Variants in GLI4 observed in about 807,000 individuals in gnomAD.
The protein encoded by GLI4 is GLI family zinc finger 4, also known as zinc finger protein GLI4.
In GLI4, 34 loss-of-function variants were observed where a neutral mutation model predicts 30.9. That is an observed-to-expected ratio of 1.10 (90% CI 0.84 to 1.47). The LOEUF (loss-of-function observed/expected upper bound fraction) is 1.47, where lower values mean the gene tolerates loss of function less well. Among genes scored for constraint, GLI4 ranks in the 40% most tolerant of loss-of-function variants. GLI4 has a pLI of 0.00. For missense variants in GLI4, 696 were observed against 538.9 expected, an observed-to-expected ratio of 1.29 and a Z score of -2.89; for synonymous variants, 277 against 236.7, an observed-to-expected ratio of 1.17 and a Z score of -1.56.
chr8:143,275,625 C>G, intron 3 of GLI4: 1 of 1,235,060 alleles, frequency 8.1e-7, no homozygotes, highest in Non-Finnish European at 1.0e-6. Context: ...CACTGTGGCT[C>G]CGTGCACCGG....
At chr8:143,275,149 G>A (rs1179835312) in intron 3 of GLI4, 1 of 1,535,724 alleles carries the variant, frequency 6.5e-7, no homozygotes. Flanking sequence ...TGTCCCCCCA[G>A]ATCCACGAGT....
At chr8:143,273,536 T>G (rs1586728248) in intron 2 of GLI4, among the ~76,000 whole-genome samples, 1 of 150,738 alleles carries the variant, frequency 6.6e-6, no homozygotes, top group African/African-American at 2.4e-5. Context: ...ACTGGGGAGG[T>G]CCCCCCTCCA....
intron 2 of GLI4, among the ~76,000 whole-genome samples, chr8:143,271,191 G>A (rs1035681597): frequency 3.9e-5 from 6 of 152,202 alleles, no homozygotes; most frequent in Admixed American, 2.6e-4. Flanking sequence ...CAACATCCAG[G>A]GAGGACAGAT....
intron 1 of GLI4, among the ~76,000 whole-genome samples, chr8:143,268,316 C>T (rs1234667418): frequency 6.6e-6 from 1 of 152,184 alleles, no homozygotes; most frequent in Non-Finnish European, 1.5e-5. Flanking sequence ...AACTTTTGTC[C>T]TCTTTTCCCG....
intron 3 of GLI4, chr8:143,275,696 C>G: frequency 8.1e-7 from 1 of 1,242,100 alleles, no homozygotes; most frequent in East Asian, 3.2e-5. Flanking sequence ...GCAACGCCCC[C>G]CACCCCTGTG....
In GLI4 at chr8:143,276,580, G is replaced by T. The variant is rs1196463904; in HGVS notation, c.907G>T (p.Ala303Ser). The T allele has an allele frequency of 1.2e-6, 2 of 1,609,648 alleles. No homozygotes were observed. The highest frequency in any genetic ancestry group is 2.7e-5 in the African/African-American group (2 of 73,870). The change falls in exon 4 of 4, where the codon GCC becomes TCC. Residue 303 changes from alanine (A) to serine (S), a missense_variant. Coordinates refer to ENST00000340042, the MANE Select transcript of GLI4 (RefSeq NM_138465.4). Reference protein sequence around the residue: ...KPYACSQCGKAFIWSSVLIEH... With the variant: ...KPYACSQCGKSFIWSSVLIEH... Reference sequence around the variant, plus strand: ...CTACGCCTGCAGCCAGTGCGGCAAGGCCTTCATCTGGAGCTCCGTGCTCAT... The same window carrying T: ...CTACGCCTGCAGCCAGTGCGGCAAGTCCTTCATCTGGAGCTCCGTGCTCAT...
At chr8:143,268,093 TC>T in intron 1 of GLI4, 1 of 985,288 alleles carries the variant, frequency 1.0e-6, no homozygotes, top group Non-Finnish European at 1.2e-6. Flanking sequence ...TTACCAGGTG[TC>T]CCCAGTAAGT....
At position 143,275,894 on chromosome 8, in the gene GLI4, C is replaced by T. The variant is rs552654562; in HGVS notation, c.224-3C>T. ...TATCCGCCTCTGCCGTTTCTCATTTCAGACTCCGAGCCCAAGCCGGAGCAG... is the reference window on the plus strand; with the variant it reads ...TATCCGCCTCTGCCGTTTCTCATTTTAGACTCCGAGCCCAAGCCGGAGCAG... On this transcript the variant is annotated splice_region_variant and splice_polypyrimidine_tract_variant and intron_variant, in intron 3 of 3. Coordinates refer to ENST00000340042, the MANE Select transcript of GLI4 (RefSeq NM_138465.4). 6.0e-5 allele frequency: 78 copies of T among 1,290,126 alleles called. No homozygotes were observed. The South Asian group carries it at 1.7e-3, about 29-fold the overall frequency. 79.9% of individuals were successfully genotyped at this position (1,290,126 alleles called of 1,614,324 possible). A position where few individuals can be genotyped will look rare whatever the true frequency, so the allele number is the denominator to read the frequency against.
chr8:143,271,626 G>A (rs554256660), intron 2 of GLI4, among the ~76,000 whole-genome samples: 147 of 152,324 alleles, frequency 9.7e-4, no homozygotes, highest in Non-Finnish European at 1.7e-3. Flanking sequence ...GGGCCAGACC[G>A]AGGTTCCTGG....
At position 143,269,436 on chromosome 8, in the gene GLI4, C is replaced by T. The variant is rs1272008875; in HGVS notation, c.40C>T (p.Pro14Ser). Reference sequence around the variant, plus strand: ...GGACATTCAGGAGTCCCCTTCTGTCCCGTCCCCTGTCAGTCTCTCATCACC... The same window carrying T: ...GGACATTCAGGAGTCCCCTTCTGTCTCGTCCCCTGTCAGTCTCTCATCACC... ...LGDIQESPSV[P>S]SPVSLSSPGT... Residue 14 changes from proline (P) to serine (S), a missense_variant, in exon 2 of 4, where the codon CCG (proline) becomes TCG (serine). By Grantham distance (74) the Pro-to-Ser change is moderately conservative (BLOSUM62 -1). Coordinates refer to ENST00000340042, the MANE Select transcript of GLI4 (RefSeq NM_138465.4). The T allele has an allele frequency of 3.1e-6, 5 of 1,608,990 alleles. No homozygotes were observed. Among genetic ancestry groups the T allele is most frequent in the Non-Finnish European group, 4.3e-6 (5 of 1,175,942 alleles).
chr8:143,274,837 A>G, intron 3 of GLI4, 35 bp downstream of exon 3: 2 of 1,526,896 alleles, frequency 1.3e-6, no homozygotes, highest in South Asian at 1.2e-5. Context: ...GGGGGACCAG[A>G]GCTCTGCGCG....
intron 3 of GLI4, chr8:143,275,133 C>T: frequency 6.5e-7 from 1 of 1,535,546 alleles, no homozygotes; most frequent in Non-Finnish European, 8.7e-7. Flanking sequence ...TGGCTCAGGG[C>T]ACCACTGTCC....
chr8:143,275,114 T>C (rs906156303), intron 3 of GLI4: 1 of 1,535,550 alleles, frequency 6.5e-7, no homozygotes, highest in Admixed American at 2.0e-5. Context: ...TGCCTTGGGC[T>C]GGGGCTTCTG....
At position 143,274,705 on chromosome 8, in the gene GLI4, C is replaced by T; in HGVS notation, c.126C>T (p.Gly42=). ...AGCCCCAGCCTCCCTGACCCCCAGGCTCCCCTGGCTCCAGCCCTAAGGTGC... is the reference window on the plus strand; with the variant it reads ...AGCCCCAGCCTCCCTGACCCCCAGGTTCCCCTGGCTCCAGCCCTAAGGTGC... The part of the protein sequence containing the change: ...PQLHLHGHQH[G]SPGSSPKVLS... The change falls in exon 3 of 4, where the codon GGC becomes GGT. Residue 42 remains glycine, a splice_region_variant and synonymous_variant. Coordinates refer to ENST00000340042, the MANE Select transcript of GLI4 (RefSeq NM_138465.4). The T allele has an allele frequency of 1.3e-6, 2 of 1,552,550 alleles. No individual in the cohort carries two copies. Among genetic ancestry groups the T allele is most frequent in the South Asian group, 2.4e-5 (2 of 84,866 alleles).
chr8:143,276,105 C>T lies in GLI4; in HGVS notation c.432C>T (p.Arg144=). ...GCGCCCAGCCGCGGGGCGCCTGGCG[C>T]GTGACGCTCGTGCAGCAAGCAGCGG... ...VPCAQPRGAW[R]VTLVQQAAAG... is the part of the protein sequence containing the mutation. The change falls in exon 4 of 4, where the codon CGC becomes CGT. Residue 144 remains arginine (R), a synonymous_variant. Transcript: ENST00000340042. 2 of 1,444,968 alleles carry T rather than the reference C, an allele frequency of 1.4e-6. No homozygotes were observed. The highest frequency in any genetic ancestry group is 1.5e-5 in the South Asian group (1 of 67,778). 89.5% of individuals were successfully genotyped at this position (1,444,968 alleles called of 1,614,324 possible).
At chr8:143,275,573 G>T in intron 3 of GLI4, 1 of 1,249,104 alleles carries the variant, frequency 8.0e-7, no homozygotes, top group Non-Finnish European at 1.0e-6. Context: ...CCAACACTTA[G>T]TGCTTCCTCC....
rs1586729961 is a variant in GLI4, at chr8:143,275,914, G to C, written c.241G>C (p.Glu81Gln). 7.7e-7 allele frequency: 1 copy of C among 1,300,934 alleles called. No homozygotes were observed. Among genetic ancestry groups the C allele is most frequent in the Admixed American group, 4.0e-5 (1 of 25,034 alleles). 80.6% of individuals were successfully genotyped at this position (1,300,934 alleles called of 1,614,324 possible). Residue 81 changes from glutamate to glutamine, a missense_variant, in exon 4 of 4, where the codon GAG becomes CAG. Glu to Gln is a conservative substitution (Grantham distance 29). Coordinates refer to ENST00000340042, the MANE Select transcript of GLI4 (RefSeq NM_138465.4). ...TFWPDSEPKP[E>Q]QAPRSPGSQA... The stretch of plus-strand genomic sequence containing the variant: ...CATTTCAGACTCCGAGCCCAAGCCG[G>C]AGCAGGCTCCACGCTCTCCTGGCTC...
chr8:143,276,897 A>C lies in GLI4; in HGVS notation c.*93A>C, dbSNP rs1815404398. ...TGGGCACTGCCCAGCACCGCATGCC[A>C]CGTGTCCGGAATAAATTCTTTTTGA... On this transcript the variant is annotated 3_prime_UTR_variant, in exon 4 of 4. Transcript: ENST00000340042. The C allele has an allele frequency of 1.3e-6, 1 of 771,500 alleles. No individual in the cohort carries two copies. The highest frequency in any genetic ancestry group is 2.0e-6 in the Non-Finnish European group (1 of 493,134). 47.8% of individuals were successfully genotyped at this position (771,500 alleles called of 1,614,324 possible).
In GLI4 at chr8:143,269,350, T is replaced by G. The variant is rs750125243; in HGVS notation, c.-37-10T>G. ...ATCCCCTCATCTGCCATGGTTTTCA[T>G]TTTCCCCAGGTCCCAGGTGTGACAC... On this transcript the variant is annotated splice_polypyrimidine_tract_variant and intron_variant, in intron 1 of 3. Transcript: ENST00000340042. The G allele has an allele frequency of 1.9e-6, 3 of 1,591,300 alleles. No homozygotes were observed.
Sources: gnomAD v4.1 joint callset for allele counts (sites outside exome capture counted in the v4.1 genomes callset) on GRCh38, gnomAD v4.1.1 for gene constraint, MANE v1.5 for transcripts, NCBI Gene and HGNC (gene_info 2026-07-23, HGNC 2026-07-21) for gene names.